The following BRINP3 variants were observed in gnomAD, a reference collection of about 807,000 sequenced individuals.
BRINP3 encodes the protein BMP/retinoic acid-inducible neural-specific protein 3.
BRINP3 carries 19 observed loss-of-function variants against 71.0 expected under a neutral mutation model. That is an observed-to-expected ratio of 0.27 (90% CI 0.19 to 0.39). The LOEUF (loss-of-function observed/expected upper bound fraction) is 0.39. BRINP3 is among the 10% of genes least tolerant of loss of function. The probability of loss-of-function intolerance (pLI) is 1.00; values close to 1 mark genes in which losing one functional copy is unlikely to be tolerated. For missense variants in BRINP3, 959 were observed against 940.8 expected (o/e 1.02, Z -0.25); for synonymous variants, 380 against 337.7 (o/e 1.13, Z -1.37).
intron 1 of BRINP3, among the ~76,000 whole-genome samples, chr1:190,459,599 T>G (rs1676247419): frequency 6.6e-6 from 1 of 152,180 alleles, no homozygotes; most frequent in African/African-American, 2.4e-5. Context: ...AGTATCTTAT[T>G]ATCCACAACT....
intron 4 of BRINP3, among the ~76,000 whole-genome samples, chr1:190,237,846 A>G (rs1658674483): frequency 6.6e-6 from 1 of 152,078 alleles, no homozygotes; most frequent in Non-Finnish European, 1.5e-5. Context: ...TAGCTCTTTT[A>G]CAATAGAGTT....
At chr1:190,143,833 A>G (rs955535677) in intron 7 of BRINP3, among the ~76,000 whole-genome samples, 3 of 152,204 alleles carry the variant, frequency 2.0e-5, no homozygotes, top group Admixed American at 1.3e-4. Flanking sequence ...TAACTGAACT[A>G]CAAAATTTAG....
At chr1:190,177,999 A>T (rs1463952583) in intron 6 of BRINP3, among the ~76,000 whole-genome samples, 1 of 152,196 alleles carries the variant, frequency 6.6e-6, no homozygotes, top group Non-Finnish European at 1.5e-5. Flanking sequence ...TAATCTAGAG[A>T]TGATTTAAAG....
chr1:190,145,730 T>G (rs1655828078), intron 7 of BRINP3, among the ~76,000 whole-genome samples: 1 of 152,138 alleles, frequency 6.6e-6, no homozygotes, highest in Non-Finnish European at 1.5e-5. Flanking sequence ...ATACACATTT[T>G]TATAGCATCA....
chr1:190,407,516 A>C (rs1672361247), intron 2 of BRINP3, among the ~76,000 whole-genome samples: 1 of 152,176 alleles, frequency 6.6e-6, no homozygotes, highest in Non-Finnish European at 1.5e-5. Flanking sequence ...TATACGCTTT[A>C]AGGCACTGTT....
At chr1:190,144,907 C>T (rs1655758561) in intron 7 of BRINP3, among the ~76,000 whole-genome samples, 1 of 152,162 alleles carries the variant, frequency 6.6e-6, no homozygotes, top group African/African-American at 2.4e-5. Flanking sequence ...TAATTCACTT[C>T]TCCAGATATA....
At chr1:190,178,527 A>G (rs1186663521) in intron 6 of BRINP3, among the ~76,000 whole-genome samples, 2 of 152,140 alleles carry the variant, frequency 1.3e-5, no homozygotes, top group African/African-American at 2.4e-5. Context: ...CTAGAAGAGT[A>G]GAGAAAGCTA....
At chr1:190,390,112 G>T (rs1362207665) in intron 2 of BRINP3, among the ~76,000 whole-genome samples, 2 of 151,698 alleles carry the variant, frequency 1.3e-5, no homozygotes, top group African/African-American at 4.8e-5. Flanking sequence ...GTGAGAGGGG[G>T]TGAGAACCAG....
chr1:190,448,935 A>C (rs1675420576), intron 2 of BRINP3, among the ~76,000 whole-genome samples: 1 of 151,820 alleles, frequency 6.6e-6, no homozygotes, highest in Admixed American at 6.6e-5. Flanking sequence ...AATATTTTAA[A>C]CTTAATTTTT....
intron 2 of BRINP3, among the ~76,000 whole-genome samples, chr1:190,388,831 T>C (rs991302755): frequency 9.9e-5 from 15 of 151,830 alleles, no homozygotes; most frequent in African/African-American, 3.6e-4. Flanking sequence ...GATGTGATTA[T>C]AAATAAGTGA....
chr1:190,408,683 A>G (rs980056347), intron 2 of BRINP3, among the ~76,000 whole-genome samples: 1 of 152,210 alleles, frequency 6.6e-6, no homozygotes. Flanking sequence ...TTTCTATCAC[A>G]TACATTATAC....
intron 6 of BRINP3, among the ~76,000 whole-genome samples, chr1:190,171,595 T>C (rs534782528): frequency 7.9e-5 from 12 of 152,294 alleles, no homozygotes; most frequent in African/African-American, 2.2e-4. Flanking sequence ...TTTCATATTA[T>C]GTTGCTACTG....
At chr1:190,119,104 C>A (rs923254105) in intron 7 of BRINP3, among the ~76,000 whole-genome samples, 7 of 151,986 alleles carry the variant, frequency 4.6e-5, no homozygotes, top group African/African-American at 1.7e-4. Flanking sequence ...ATCTGATTAG[C>A]ACCTAAATAA....
intron 2 of BRINP3, among the ~76,000 whole-genome samples, chr1:190,377,855 C>T (rs1056889114): frequency 1.3e-4 from 20 of 151,596 alleles, no homozygotes; most frequent in Middle Eastern, 3.2e-3. Context: ...AAAATATTGC[C>T]GAAAGAAATT....
intron 1 of BRINP3, among the ~76,000 whole-genome samples, chr1:190,461,288 C>G (rs1676381727): frequency 6.6e-6 from 1 of 152,140 alleles, no homozygotes; most frequent in African/African-American, 2.4e-5. Flanking sequence ...TCTCCAAGAT[C>G]TTAGTTTATT....
At chr1:190,312,376 C>T (rs1445358836) in intron 2 of BRINP3, among the ~76,000 whole-genome samples, 1 of 151,322 alleles carries the variant, frequency 6.6e-6, no homozygotes, top group Non-Finnish European at 1.5e-5. Context: ...GCATTTCTAA[C>T]AATATATTTA....
At chr1:190,171,140 T>C (rs1651972338) in intron 6 of BRINP3, among the ~76,000 whole-genome samples, 1 of 152,110 alleles carries the variant, frequency 6.6e-6, no homozygotes, top group Admixed American at 6.6e-5. Flanking sequence ...AGGAGGGATT[T>C]TTACCCTGGC....
In BRINP3 at chr1:190,398,442, A is replaced by G. The variant is rs535546723; in HGVS notation, c.236+56213T>C. ...GGTAACCTAATTTTATAGGGGATTT[A>G]CTTCTTACAGATGAATTTGTGTCTC... is the stretch of plus-strand genomic sequence containing the variant. On this transcript the variant is annotated intron_variant, in intron 2 of 7. Coordinates refer to ENST00000367462, the MANE Select transcript of BRINP3 (RefSeq NM_199051.3). Among the ~76,000 whole-genome samples the G allele has an allele frequency of 5.3e-4, 80 of 152,108 alleles. 1 individual carries two copies. Among genetic ancestry groups the G allele is most frequent in the African/African-American group, 1.8e-3 (76 of 41,556 alleles).
At chr1:190,289,200 T>A (rs906325223) in intron 2 of BRINP3, among the ~76,000 whole-genome samples, 1 of 151,918 alleles carries the variant, frequency 6.6e-6, no homozygotes, top group Non-Finnish European at 1.5e-5. Context: ...TTGCCCATCT[T>A]TTAAAGAAAA....
Sources: allele counts gnomAD v4.1 joint callset (sites outside exome capture counted in the v4.1 genomes callset), GRCh38; gene constraint gnomAD v4.1.1; transcripts MANE v1.5; gene names NCBI Gene and HGNC (gene_info 2026-07-23, HGNC 2026-07-21).